TBC1D5: variants seen among roughly 807,000 people sequenced by gnomAD.
The protein encoded by TBC1D5 is TBC1 domain family member 5.
TBC1D5 carries 75 observed loss-of-function variants against 100.3 expected under a neutral mutation model. The observed-to-expected ratio is 0.75, with a 90% confidence interval of 0.62 to 0.91. The LOEUF is 0.91. Ranked by LOEUF, TBC1D5 falls within the 40% of genes least tolerant of loss-of-function variation. TBC1D5 has a pLI of 0.00. For missense variants in TBC1D5, 910 were observed against 942.4 expected (o/e 0.97, Z 0.45); for synonymous variants, 323 against 325.6 (o/e 0.99, Z 0.09).
intron 8 of TBC1D5, among the ~76,000 whole-genome samples, chr3:17,388,895 AT>A (rs1323074975): frequency 1.3e-5 from 2 of 151,984 alleles, no homozygotes; most frequent in African/African-American, 4.8e-5. Flanking sequence ...AACAAAAAAA[AT>A]ACCATAGTGC....
At chr3:17,555,965 G>T (rs1241777977) in intron 2 of TBC1D5, among the ~76,000 whole-genome samples, 1 of 152,068 alleles carries the variant, frequency 6.6e-6, no homozygotes, top group East Asian at 1.9e-4. Flanking sequence ...AGTTGATTGG[G>T]GGCTTAGAAT....
chr3:17,165,393 C>A (rs1317924875), intron 21 of TBC1D5, among the ~76,000 whole-genome samples: 1 of 152,106 alleles, frequency 6.6e-6, no homozygotes, highest in African/African-American at 2.4e-5. Flanking sequence ...GTGGTTGGGC[C>A]TACGCTCAGT....
At chr3:17,529,777 G>C (rs1347521168) in intron 2 of TBC1D5, among the ~76,000 whole-genome samples, 1 of 151,974 alleles carries the variant, frequency 6.6e-6, no homozygotes, top group Admixed American at 6.6e-5. Context: ...CTCTCGAGTA[G>C]CTGGGATTTG....
At chr3:17,732,483 C>T (rs1329544850) in intron 1 of TBC1D5, among the ~76,000 whole-genome samples, 1 of 152,100 alleles carries the variant, frequency 6.6e-6, no homozygotes, top group Non-Finnish European at 1.5e-5. Flanking sequence ...CTTTGGGAGG[C>T]CAAGGCGGAT....
chr3:17,645,877 C>A (rs2064973696), intron 1 of TBC1D5, among the ~76,000 whole-genome samples: 1 of 152,098 alleles, frequency 6.6e-6, no homozygotes, highest in Non-Finnish European at 1.5e-5. Flanking sequence ...GAAAACATGA[C>A]AACTCATGTC....
chr3:17,695,649 G>A (rs1466455774), intron 1 of TBC1D5, among the ~76,000 whole-genome samples: 1 of 152,010 alleles, frequency 6.6e-6, no homozygotes, highest in African/African-American at 2.4e-5. Context: ...AATAATAATG[G>A]GAGACTTTAA....
At chr3:17,629,561 G>A (rs1430674411) in intron 1 of TBC1D5, among the ~76,000 whole-genome samples, 1 of 152,198 alleles carries the variant, frequency 6.6e-6, no homozygotes, top group Non-Finnish European at 1.5e-5. Context: ...TACAAATTTA[G>A]ATGCTACAAA....
chr3:17,647,591 T>C (rs1033229066), intron 1 of TBC1D5, among the ~76,000 whole-genome samples: 2 of 152,124 alleles, frequency 1.3e-5, no homozygotes, highest in African/African-American at 4.8e-5. Context: ...AAGACCCTGA[T>C]GTGGAGCAGA....
intron 3 of TBC1D5, among the ~76,000 whole-genome samples, chr3:17,489,037 T>G (rs2150492519): frequency 6.6e-6 from 1 of 151,612 alleles, no homozygotes; most frequent in African/African-American, 2.4e-5. Flanking sequence ...AAAAATTGTC[T>G]TCCATAAAGC....
chr3:17,323,412 A>C (rs2085683301), intron 13 of TBC1D5, among the ~76,000 whole-genome samples: 1 of 152,228 alleles, frequency 6.6e-6, no homozygotes, highest in Admixed American at 6.5e-5. Context: ...TAGAGACTGG[A>C]AAGGAAGAAA....
intron 3 of TBC1D5, among the ~76,000 whole-genome samples, chr3:17,504,336 G>A (rs2153225550): frequency 6.7e-6 from 1 of 149,500 alleles, no homozygotes; most frequent in Admixed American, 6.7e-5. Flanking sequence ...CCTAATGCTA[G>A]ATGACGAGTT....
At chr3:17,620,271 C>T (rs1292147192) in intron 2 of TBC1D5, among the ~76,000 whole-genome samples, 4 of 152,220 alleles carry the variant, frequency 2.6e-5, no homozygotes, top group Admixed American at 2.0e-4. Flanking sequence ...CAAGCCACTA[C>T]ACCGGGCTTA....
chr3:17,263,983 A>G (rs2149523506), intron 15 of TBC1D5, among the ~76,000 whole-genome samples: 1 of 152,266 alleles, frequency 6.6e-6, no homozygotes, highest in African/African-American at 2.4e-5. Context: ...AATTTTAGGT[A>G]AAACAAACAT....
chr3:17,585,909 T>A (rs1046226632), intron 2 of TBC1D5, among the ~76,000 whole-genome samples: 1 of 152,184 alleles, frequency 6.6e-6, no homozygotes. Context: ...CTATCTGATA[T>A]ACCTCCAACT....
At chr3:17,345,309 A>C (rs1269330573) in intron 13 of TBC1D5, among the ~76,000 whole-genome samples, 1 of 152,262 alleles carries the variant, frequency 6.6e-6, no homozygotes, top group African/African-American at 2.4e-5. Flanking sequence ...GCCAAAAGAC[A>C]CATGAAAAAA....
intron 19 of TBC1D5, among the ~76,000 whole-genome samples, chr3:17,175,451 A>C (rs2067615046): frequency 6.6e-6 from 1 of 152,200 alleles, no homozygotes; most frequent in Non-Finnish European, 1.5e-5. Flanking sequence ...CTCCCAGTAA[A>C]ATCTGTCATA....
chr3:17,589,461 T>C (rs2096752676), intron 2 of TBC1D5, among the ~76,000 whole-genome samples: 1 of 152,200 alleles, frequency 6.6e-6, no homozygotes, highest in Non-Finnish European at 1.5e-5. Flanking sequence ...CGTGCTGTTC[T>C]TGTGATAGTG....
chr3:17,687,069 C>T (rs1159099290), intron 1 of TBC1D5, among the ~76,000 whole-genome samples: 3 of 152,062 alleles, frequency 2.0e-5, no homozygotes, highest in Non-Finnish European at 4.4e-5. Context: ...CCTTGGGAGA[C>T]CGGGTATATG....
chr3:17,238,073 T>C lies in TBC1D5; in HGVS notation c.1588+90A>G. The C allele has an allele frequency of 2.0e-6, 3 of 1,499,784 alleles. No homozygotes were observed. In the South Asian group the frequency reaches 4.1e-5, roughly 20 times the overall value. The allele number at this position is 1,499,784 out of a possible 1,614,324, so 92.9% of individuals were successfully genotyped here. Reference sequence around the variant, plus strand: ...AAAGTAAGTTTTGCATTAATTTCTATTCTAGGAGATTGGTTCCTCACAGGC... The same window carrying C: ...AAAGTAAGTTTTGCATTAATTTCTACTCTAGGAGATTGGTTCCTCACAGGC... On this transcript the variant is annotated intron_variant, in intron 17 of 21. Transcript: ENST00000253692.
Sources: allele counts gnomAD v4.1 joint callset (sites outside exome capture counted in the v4.1 genomes callset), GRCh38; gene constraint gnomAD v4.1.1; transcripts MANE v1.5; gene names NCBI Gene and HGNC (gene_info 2026-07-23, HGNC 2026-07-21).